Variants in BTBD9 observed in about 807,000 individuals in gnomAD.
The protein encoded by BTBD9 is BTB domain containing 9.
Under a neutral mutation model 64.3 loss-of-function variants are expected in BTBD9, and 49 were observed. The ratio of observed to expected loss-of-function variants is 0.76; its 90% CI spans 0.61 to 0.97. BTBD9 has a LOEUF of 0.97. BTBD9 is among the 50% of genes least tolerant of loss of function. The probability of loss-of-function intolerance (pLI) is 0.00; values close to 1 mark genes in which losing one functional copy is unlikely to be tolerated. For missense variants in BTBD9, 598 were observed against 762.1 expected (o/e 0.78, Z 2.53); for synonymous variants, 260 against 274.7 (o/e 0.95, Z 0.53).
intron 6 of BTBD9, among the ~76,000 whole-genome samples, chr6:38,524,933 A>C (rs2127423202): frequency 6.6e-6 from 1 of 152,278 alleles, no homozygotes; most frequent in East Asian, 1.9e-4. Flanking sequence ...GAAGGCCAGC[A>C]AAACTGACTA....
intron 9 of BTBD9, among the ~76,000 whole-genome samples, chr6:38,232,061 C>T (rs1449180049): frequency 6.6e-6 from 1 of 152,142 alleles, no homozygotes; most frequent in East Asian, 1.9e-4. Flanking sequence ...TGTTTCTCTG[C>T]TATAGTTTCA....
intron 9 of BTBD9, among the ~76,000 whole-genome samples, chr6:38,228,613 T>G (rs1407669939): frequency 6.8e-6 from 1 of 146,556 alleles, no homozygotes; most frequent in Non-Finnish European, 1.5e-5. Context: ...CGGTGGCTCA[T>G]GCCTGTAATC....
At chr6:38,547,933 T>A (rs1178185443) in intron 6 of BTBD9, among the ~76,000 whole-genome samples, 2 of 152,244 alleles carry the variant, frequency 1.3e-5, no homozygotes, top group Admixed American at 1.3e-4. Context: ...AGTAATTATG[T>A]GTTAAATGAA....
chr6:38,534,981 A>G (rs1193228577), intron 6 of BTBD9, among the ~76,000 whole-genome samples: 1 of 152,156 alleles, frequency 6.6e-6, no homozygotes, highest in Non-Finnish European at 1.5e-5. Flanking sequence ...GCCCACTTTC[A>G]CCACTGTTAT....
At chr6:38,639,138 G>A (rs974256327) in intron 1 of BTBD9, among the ~76,000 whole-genome samples, 7 of 152,218 alleles carry the variant, frequency 4.6e-5, no homozygotes, top group Non-Finnish European at 1.0e-4. Flanking sequence ...CTATGAGGAA[G>A]TAAGAAATGA....
chr6:38,437,077 T>G (rs1419299704), intron 6 of BTBD9, among the ~76,000 whole-genome samples: 1 of 152,188 alleles, frequency 6.6e-6, no homozygotes, highest in African/African-American at 2.4e-5. Context: ...TAATGCATAT[T>G]AAGCATCTAA....
intron 6 of BTBD9, among the ~76,000 whole-genome samples, chr6:38,477,276 G>C (rs141950488): frequency 5.4e-4 from 82 of 152,322 alleles, no homozygotes; most frequent in African/African-American, 1.8e-3. Flanking sequence ...AAATGAAGTA[G>C]TTAAAAGACA....
At chr6:38,496,930 A>C (rs188693429) in intron 6 of BTBD9, among the ~76,000 whole-genome samples, 1 of 152,340 alleles carries the variant, frequency 6.6e-6, no homozygotes, top group African/African-American at 2.4e-5. Flanking sequence ...CAGACAGCAA[A>C]GTAGCCAGGG....
Position 38,168,940 on chromosome 6 carries a change from C to G in BTBD9, c.*6045G>C, listed in dbSNP as rs1766634199. The G allele has an allele frequency of 1.3e-5, 2 of 152,440 alleles. No individual in the cohort carries two copies. The highest frequency in any genetic ancestry group is 1.3e-4 in the Admixed American group (2 of 15,304). The allele number at this position is 152,440 out of a possible 1,614,324, so 9.4% of individuals were successfully genotyped here. A position where few individuals can be genotyped will look rare whatever the true frequency, so the allele number is the denominator to read the frequency against. On this transcript the variant is annotated 3_prime_UTR_variant, in exon 11 of 11. Coordinates refer to ENST00000481247, the MANE Select transcript of BTBD9 (RefSeq NM_001099272.2). ...AAGGGTGGCCTCAGGGACATAAGGA[C>G]CAGGGAGCGTGTGATGGAGAGATTT... is the stretch of plus-strand genomic sequence containing the variant.
At chr6:38,379,225 A>AAGGCAACATTTTT (rs1373011275) in intron 6 of BTBD9, among the ~76,000 whole-genome samples, 1 of 152,206 alleles carries the variant, frequency 6.6e-6, no homozygotes, top group Non-Finnish European at 1.5e-5. Context: ...AGACTCCCAA[A>AAGGCAACATTTTT]AGGCAACATT....
At chr6:38,313,169 A>G (rs1030431255) in intron 7 of BTBD9, among the ~76,000 whole-genome samples, 4 of 152,038 alleles carry the variant, frequency 2.6e-5, no homozygotes, top group Admixed American at 2.6e-4. Context: ...TGTAAATAAG[A>G]TTACTTTCTT....
chr6:38,637,143 C>T (rs1284904578), intron 1 of BTBD9, among the ~76,000 whole-genome samples: 1 of 152,120 alleles, frequency 6.6e-6, no homozygotes, highest in African/African-American at 2.4e-5. Flanking sequence ...ACTCTACTCC[C>T]CCAGCACATT....
In BTBD9 at chr6:38,582,063, A is replaced by T. The variant is rs186418170; in HGVS notation, c.815-1626T>A. Among the ~76,000 whole-genome samples the T allele has an allele frequency of 9.7e-3, 1,476 of 152,176 alleles. 11 individuals carry two copies. Among genetic ancestry groups the T allele is most frequent in the Non-Finnish European group, 0.015 (999 of 67,980 alleles). On this transcript the variant is annotated intron_variant, in intron 4 of 10. Transcript: ENST00000481247. ...TTCATCATTGCAGATTTCTGGAAAA[A>T]TTTTTTTTAATTTCAAATGAAGATG... is the stretch of plus-strand genomic sequence containing the variant.
Position 38,172,979 on chromosome 6 carries a change from C to G in BTBD9, c.*2006G>C, listed in dbSNP as rs761153. 91,664 of 152,368 alleles carry G rather than the reference C, an allele frequency of 0.6. 29,363 individuals carry two copies. The highest frequency in any genetic ancestry group is 0.73 in the Non-Finnish European group (49,973 of 68,090). 9.4% of individuals were successfully genotyped at this position (152,368 alleles called of 1,614,324 possible). Reference sequence around the variant, plus strand: ...CCTCCAGCACCCCCACCAGCCCACCCTCTCTTCCCAAGGTCAGCAGCATGC... The same window carrying G: ...CCTCCAGCACCCCCACCAGCCCACCGTCTCTTCCCAAGGTCAGCAGCATGC... On this transcript the variant is annotated 3_prime_UTR_variant, in exon 11 of 11. Coordinates refer to ENST00000481247, the MANE Select transcript of BTBD9 (RefSeq NM_001099272.2).
intron 6 of BTBD9, chr6:38,481,659 A>T (rs1203699803): frequency 6.6e-6 from 1 of 152,290 alleles, no homozygotes; most frequent in African/African-American, 2.4e-5. Flanking sequence ...AGCACCTGGC[A>T]GATGAGAGAG....
chr6:38,215,154 A>C (rs1467980520), intron 9 of BTBD9, among the ~76,000 whole-genome samples: 1 of 152,216 alleles, frequency 6.6e-6, no homozygotes, highest in Non-Finnish European at 1.5e-5. Context: ...TGGATCAGCT[A>C]TTAATCTCAG....
intron 6 of BTBD9, among the ~76,000 whole-genome samples, chr6:38,351,817 G>A (rs1452628862): frequency 1.3e-5 from 2 of 151,954 alleles, no homozygotes; most frequent in Non-Finnish European, 2.9e-5. Flanking sequence ...TTTTATTTGG[G>A]GGAAAAGTGA....
intron 4 of BTBD9, chr6:38,587,662 C>T (rs1384211965): frequency 4.9e-6 from 3 of 610,774 alleles, no homozygotes; most frequent in South Asian, 1.5e-5. Context: ...ACTGACAGAA[C>T]TTTGAAATAA....
At chr6:38,298,988 G>A (rs1307222162) in intron 7 of BTBD9, among the ~76,000 whole-genome samples, 2 of 151,740 alleles carry the variant, frequency 1.3e-5, no homozygotes, top group East Asian at 1.9e-4. Flanking sequence ...GTATACCTCC[G>A]AATGCTATCC....
Sources: gnomAD v4.1 joint callset for allele counts (sites outside exome capture counted in the v4.1 genomes callset) on GRCh38, gnomAD v4.1.1 for gene constraint, MANE v1.5 for transcripts, NCBI Gene and HGNC (gene_info 2026-07-23, HGNC 2026-07-21) for gene names.